The following TACC2 variants were observed in gnomAD, a reference collection of about 807,000 sequenced individuals.
TACC2 encodes the protein transforming acidic coiled-coil containing protein 2.
A neutral mutation model predicts 227.3 loss-of-function variants in TACC2; 137 were observed. The observed-to-expected ratio is 0.60, with a 90% confidence interval of 0.52 to 0.69. TACC2 has a LOEUF of 0.69. TACC2 is among the 30% of genes least tolerant of loss of function. The pLI is 0.00. For missense variants in TACC2, 3,470 were observed against 3,694.4 expected, an observed-to-expected ratio of 0.94 and a Z score of 1.57; for synonymous variants, 1,523 against 1,487.5, an observed-to-expected ratio of 1.02 and a Z score of -0.55.
chr10:122,191,267 C>T (rs1178256021), intron 7 of TACC2, among the ~76,000 whole-genome samples: 1 of 152,128 alleles, frequency 6.6e-6, no homozygotes, highest in Admixed American at 6.5e-5. Flanking sequence ...AAGTGTGCAC[C>T]ACGATACCTG....
chr10:122,182,616 T>C (rs1290926198), intron 7 of TACC2, among the ~76,000 whole-genome samples: 1 of 152,178 alleles, frequency 6.6e-6, no homozygotes, highest in Non-Finnish European at 1.5e-5. Flanking sequence ...TTCCCCATAT[T>C]TGCAAGGTGT....
intron 7 of TACC2, among the ~76,000 whole-genome samples, chr10:122,147,343 C>G (rs778385431): frequency 6.6e-6 from 1 of 152,154 alleles, no homozygotes; most frequent in Non-Finnish European, 1.5e-5. Context: ...CAAGGTTTCA[C>G]CATGTTGGCC....
chr10:122,172,243 G>A (rs1371176321), intron 7 of TACC2, among the ~76,000 whole-genome samples: 2 of 152,204 alleles, frequency 1.3e-5, no homozygotes, highest in Non-Finnish European at 2.9e-5. Flanking sequence ...ATTGGTCTAG[G>A]TTGAAGCTTG....
chr10:122,125,099 C>T (rs1183879081), intron 5 of TACC2, among the ~76,000 whole-genome samples: 1 of 152,132 alleles, frequency 6.6e-6, no homozygotes, highest in Admixed American at 6.5e-5. Flanking sequence ...CCGTCTGAAC[C>T]AGAATCCAGT....
intron 5 of TACC2, among the ~76,000 whole-genome samples, chr10:122,108,449 T>C (rs1429269423): frequency 1.5e-4 from 22 of 144,044 alleles, no homozygotes; most frequent in African/African-American, 5.1e-4. Context: ...TTTCTTTTTT[T>C]TTTTTTTTTT....
intron 1 of TACC2, among the ~76,000 whole-genome samples, 168 bp from the exon 2 acceptor site, chr10:122,021,769 G>T (rs552481250): frequency 6.6e-6 from 1 of 152,158 alleles, no homozygotes; most frequent in South Asian, 2.1e-4. Context: ...AAGAAACCTG[G>T]GTGGCAGATC....
intron 7 of TACC2, among the ~76,000 whole-genome samples, chr10:122,183,051 A>G (rs1249059616): frequency 6.6e-6 from 1 of 152,126 alleles, no homozygotes; most frequent in Non-Finnish European, 1.5e-5. Context: ...CAAAAATACA[A>G]AAAGTTAGAT....
At chr10:122,201,411 G>GGCCA (rs945427628) in intron 8 of TACC2, among the ~76,000 whole-genome samples, 1 of 151,996 alleles carries the variant, frequency 6.6e-6, no homozygotes, top group Non-Finnish European at 1.5e-5. Context: ...TGCCCACAGT[G>GGCCA]GCCACATCTA....
At chr10:122,198,097 TC>T (rs2094637815) in intron 8 of TACC2, among the ~76,000 whole-genome samples, 1 of 152,230 alleles carries the variant, frequency 6.6e-6, no homozygotes, top group Non-Finnish European at 1.5e-5. Context: ...AGATGGTTTT[TC>T]CCCCTGGCAA....
At chr10:122,220,953 C>G (rs890939107) in intron 11 of TACC2, among the ~76,000 whole-genome samples, 1 of 152,208 alleles carries the variant, frequency 6.6e-6, no homozygotes, top group African/African-American at 2.4e-5. Context: ...GACTTAACAG[C>G]TGTGCTCTTT....
chr10:122,237,349 T>A, intron 16 of TACC2, 46 bp from the exon 17 acceptor site: 1 of 1,562,088 alleles, frequency 6.4e-7, no homozygotes, highest in Non-Finnish European at 8.7e-7. Flanking sequence ...CTTTGTCGTA[T>A]GATTAATGCT....
intron 3 of TACC2, among the ~76,000 whole-genome samples, chr10:122,073,412 C>T (rs2078378164): frequency 6.6e-6 from 1 of 152,046 alleles, no homozygotes; most frequent in Admixed American, 6.6e-5. Flanking sequence ...TCACATCTTC[C>T]TGGTTGACAA....
intron 22 of TACC2, among the ~76,000 whole-genome samples, chr10:122,251,852 T>C (rs1287146677): frequency 6.6e-6 from 1 of 152,262 alleles, no homozygotes; most frequent in East Asian, 1.9e-4. Flanking sequence ...TGATGGTGTT[T>C]AAATTGCATT....
intron 22 of TACC2, among the ~76,000 whole-genome samples, chr10:122,253,271 G>T (rs1000679521): frequency 2.6e-5 from 4 of 152,214 alleles, no homozygotes; most frequent in African/African-American, 9.6e-5. Context: ...TGTTGAACTT[G>T]ATCAGCATCA....
At chr10:122,134,246 A>G (rs1174659239) in intron 6 of TACC2, among the ~76,000 whole-genome samples, 5 of 148,534 alleles carry the variant, frequency 3.4e-5, no homozygotes, top group African/African-American at 5.0e-5. Context: ...ATCTCTGCTC[A>G]CTGCAACCTC....
intron 18 of TACC2, among the ~76,000 whole-genome samples, chr10:122,238,905 C>A (rs1192022790): frequency 6.6e-6 from 1 of 152,136 alleles, no homozygotes. Flanking sequence ...TGTTTCCTGA[C>A]TGTAGCTTAA....
chr10:122,220,835 A>G (rs1408748805), intron 11 of TACC2, among the ~76,000 whole-genome samples: 1 of 152,172 alleles, frequency 6.6e-6, no homozygotes, highest in Non-Finnish European at 1.5e-5. Flanking sequence ...CAGTCTGCAG[A>G]GTGCTTTTCT....
intron 3 of TACC2, among the ~76,000 whole-genome samples, 168 bp from the exon 4 acceptor site, chr10:122,082,479 A>G (rs969325991): frequency 4.0e-5 from 6 of 148,346 alleles, no homozygotes; most frequent in African/African-American, 1.5e-4. Flanking sequence ...TGGTTATGGG[A>G]GGGGTGCAGG....
chr10:122,002,358 G>A (rs1007981490), intron 1 of TACC2, among the ~76,000 whole-genome samples: 33 of 152,040 alleles, frequency 2.2e-4, no homozygotes, highest in African/African-American at 7.5e-4. Context: ...TCTGTATATA[G>A]TGTTGGAGTT....
Sources: allele counts gnomAD v4.1 joint callset (sites outside exome capture counted in the v4.1 genomes callset), GRCh38; gene constraint gnomAD v4.1.1; transcripts MANE v1.5; gene names NCBI Gene and HGNC (gene_info 2026-07-23, HGNC 2026-07-21).